BMAL2: variants seen among roughly 807,000 people sequenced by gnomAD.
BMAL2 encodes basic helix-loop-helix ARNT like 2.
chr12:27,404,749 T>G, the BMAL2 span, among the ~76,000 whole-genome samples: 9 of 152,224 alleles, frequency 5.9e-5, no homozygotes, highest in Admixed American at 3.3e-4. Context: ...TGTTGGACAG[T>G]GGGTGCAGGA....
At chr12:27,420,700 C>T in the BMAL2 span, 99,632 of 777,024 alleles carry the variant, frequency 0.13, 6,726 homozygotes, top group African/African-American at 0.18. Flanking sequence ...TGGGGAAATA[C>T]GTTTTCCTCC....
chr12:27,401,176 C>A, the BMAL2 span: 1 of 1,114,378 alleles, frequency 9.0e-7, no homozygotes, highest in Non-Finnish European at 1.4e-6. Flanking sequence ...TCTTTACGAT[C>A]CTGACCATAT....
At chr12:27,414,998 T>C in the BMAL2 span, among the ~76,000 whole-genome samples, 1 of 152,126 alleles carries the variant, frequency 6.6e-6, no homozygotes, top group Non-Finnish European at 1.5e-5. Flanking sequence ...ATCATCTCTC[T>C]TATGTGCAGA....
chr12:27,409,835 A>T, the BMAL2 span, among the ~76,000 whole-genome samples: 1 of 152,218 alleles, frequency 6.6e-6, no homozygotes, highest in African/African-American at 2.4e-5. Flanking sequence ...AAATTTTTGC[A>T]ATCTACTCAT....
chr12:27,408,356 C>T, the BMAL2 span, among the ~76,000 whole-genome samples: 1 of 152,186 alleles, frequency 6.6e-6, no homozygotes, highest in African/African-American at 2.4e-5. Flanking sequence ...AAAATACTGG[C>T]AAACCAAATC....
chr12:27,403,644 T>G, the BMAL2 span: 1 of 580,974 alleles, frequency 1.7e-6, no homozygotes, highest in East Asian at 3.1e-5. Flanking sequence ...TGATAACCAG[T>G]TTAATATAAT....
the BMAL2 span, among the ~76,000 whole-genome samples, chr12:27,392,379 C>T: frequency 3.3e-5 from 5 of 152,278 alleles, no homozygotes; most frequent in Admixed American, 3.3e-4. Context: ...GAGCCGATGG[C>T]AGGTGCCATT....
the BMAL2 span, among the ~76,000 whole-genome samples, chr12:27,410,982 A>G: frequency 3.7e-4 from 57 of 152,268 alleles, no homozygotes; most frequent in African/African-American, 1.3e-3. Flanking sequence ...TGGATTTCAT[A>G]CGGTAAAATA....
chr12:27,379,823 G>A, the BMAL2 span, among the ~76,000 whole-genome samples: 4 of 151,586 alleles, frequency 2.6e-5, no homozygotes, highest in African/African-American at 9.7e-5. Flanking sequence ...TTTTTCAGGG[G>A]GAAGATACTT....
the BMAL2 span, among the ~76,000 whole-genome samples, chr12:27,356,396 C>G: frequency 6.6e-6 from 1 of 152,148 alleles, no homozygotes; most frequent in African/African-American, 2.4e-5. Flanking sequence ...GCTCAGACCC[C>G]TTGGTGTTAC....
the BMAL2 span, among the ~76,000 whole-genome samples, chr12:27,357,344 G>A: frequency 6.6e-6 from 1 of 152,014 alleles, no homozygotes; most frequent in Non-Finnish European, 1.5e-5. Flanking sequence ...AAACTACAAA[G>A]CACTACTGAA....
chr12:27,350,994 C>CCCCCCCCTT, the BMAL2 span, among the ~76,000 whole-genome samples: 6 of 94,270 alleles, frequency 6.4e-5, no homozygotes, highest in African/African-American at 2.2e-4. Context: ...CCCACCCCCC[C>CCCCCCCCTT]TTTTTTTTTT....
At chr12:27,373,630 A>G in the BMAL2 span, among the ~76,000 whole-genome samples, 1 of 152,172 alleles carries the variant, frequency 6.6e-6, no homozygotes, top group African/African-American at 2.4e-5. Flanking sequence ...ATGGCTCTGA[A>G]GTGGGAGCGG....
At chr12:27,337,217 T>C in the BMAL2 span, among the ~76,000 whole-genome samples, 2 of 152,238 alleles carry the variant, frequency 1.3e-5, no homozygotes, top group Non-Finnish European at 2.9e-5. Flanking sequence ...TCTTCCACTC[T>C]ATGCTTTGCA....
chr12:27,376,766 C>T, the BMAL2 span, among the ~76,000 whole-genome samples: 16 of 151,850 alleles, frequency 1.1e-4, no homozygotes, highest in East Asian at 1.7e-3. Context: ...TTTGGGAGGC[C>T]GAGGCAGGTG....
the BMAL2 span, among the ~76,000 whole-genome samples, chr12:27,358,745 T>C: frequency 1.3e-5 from 2 of 152,162 alleles, no homozygotes; most frequent in Admixed American, 6.5e-5. Flanking sequence ...TATGCACTTA[T>C]ACATGCACAA....
the BMAL2 span, among the ~76,000 whole-genome samples, chr12:27,379,723 G>A: frequency 6.6e-6 from 1 of 152,108 alleles, no homozygotes; most frequent in African/African-American, 2.4e-5. Context: ...ATGAAAGATT[G>A]AGTGGAAATT....
chr12:27,378,196 G>C, the BMAL2 span, among the ~76,000 whole-genome samples: 1 of 152,164 alleles, frequency 6.6e-6, no homozygotes, highest in African/African-American at 2.4e-5. Flanking sequence ...TTTATCTTCT[G>C]TGGAAATTTC....
chr12:27,421,832 A>G, the BMAL2 span: 1 of 152,338 alleles, frequency 6.6e-6, no homozygotes, highest in South Asian at 2.1e-4. Context: ...TATATAAACC[A>G]GTTTCTTTAT....
Sources: gnomAD v4.1 joint callset for allele counts (sites outside exome capture counted in the v4.1 genomes callset) on GRCh38, gnomAD v4.1.1 for gene constraint, MANE v1.5 for transcripts, NCBI Gene and HGNC (gene_info 2026-07-23, HGNC 2026-07-21) for gene names.